Variants in MCUB observed in about 807,000 individuals in gnomAD.
MCUB encodes the protein mitochondrial calcium uniporter dominant negative subunit beta.
MCUB carries 46 observed loss-of-function variants against 41.4 expected under a neutral mutation model. The observed-to-expected ratio is 1.11, with a 90% confidence interval of 0.88 to 1.42. The LOEUF (loss-of-function observed/expected upper bound fraction) is 1.42. Among genes scored for constraint, MCUB ranks in the 40% most tolerant of loss-of-function variants. The probability of loss-of-function intolerance (pLI) is 0.00; values close to 1 mark genes in which losing one functional copy is unlikely to be tolerated. For missense variants in MCUB, 403 were observed against 404.9 expected, an observed-to-expected ratio of 1.00 and a Z score of 0.04; for synonymous variants, 148 against 148.2, an observed-to-expected ratio of 1.00 and a Z score of 0.01.
At chr4:109,661,650 T>C (rs1021461704) in intron 3 of MCUB, among the ~76,000 whole-genome samples, 3 of 152,050 alleles carry the variant, frequency 2.0e-5, no homozygotes, top group Non-Finnish European at 4.4e-5. Context: ...AAGCAGAGTG[T>C]GGAAGATGTG....
At chr4:109,633,577 ATTT>A (rs2126138622) in intron 1 of MCUB, among the ~76,000 whole-genome samples, 1 of 152,222 alleles carries the variant, frequency 6.6e-6, no homozygotes, top group South Asian at 2.1e-4. Context: ...CCTTTAATTA[ATTT>A]TTAAATGAAA....
chr4:109,585,785 T>C (rs1177733796), intron 1 of MCUB, among the ~76,000 whole-genome samples: 3 of 152,226 alleles, frequency 2.0e-5, no homozygotes, highest in East Asian at 1.9e-4. Context: ...CCCCCACTGT[T>C]TTCTGGCTTG....
chr4:109,629,922 G>A (rs1400226707), intron 1 of MCUB, among the ~76,000 whole-genome samples: 3 of 152,144 alleles, frequency 2.0e-5, no homozygotes, highest in Admixed American at 1.3e-4. Flanking sequence ...CCTGGAGATT[G>A]GGCAGTGGGG....
intron 1 of MCUB, among the ~76,000 whole-genome samples, chr4:109,569,156 C>G (rs1726850381): frequency 6.6e-6 from 1 of 152,130 alleles, no homozygotes; most frequent in East Asian, 1.9e-4. Flanking sequence ...ACGCCATTCT[C>G]CTGCCTCAGC....
rs536844807 is a variant in MCUB at position 109,600,800 on chromosome 4, A to T, written c.99+40364A>T. 3.8e-3 allele frequency among the ~76,000 whole-genome samples: 575 copies of T among 151,938 alleles called. 6 individuals are homozygous for T. The highest frequency in any genetic ancestry group is 8.5e-3 in the African/African-American group (352 of 41,448). ...ACACGTATTTTTATTATATATATATATTTTTTTCCTTCTGAGACTAAGTCT... is the reference window on the plus strand; with the variant it reads ...ACACGTATTTTTATTATATATATATTTTTTTTTCCTTCTGAGACTAAGTCT... On this transcript the variant is annotated intron_variant, in intron 1 of 7. Transcript: ENST00000394650.
In MCUB at chr4:109,684,482, A is replaced by C. The variant is rs1280659244; in HGVS notation, c.652A>C (p.Ser218Arg). The C allele has an allele frequency of 6.2e-7, 1 of 1,613,170 alleles. No individual in the cohort carries two copies. The highest frequency in any genetic ancestry group is 8.5e-7 in the Non-Finnish European group (1 of 1,179,822). The part of the protein sequence containing the change: ...GIEAHSEAKT[S>R]GLLWAGLALL... Reference sequence around the variant, plus strand: ...AGAAGCTCATTCGGAAGCCAAAACCAGTGGACTCCTGTGGGCTGGATTGGC... The same window carrying C: ...AGAAGCTCATTCGGAAGCCAAAACCCGTGGACTCCTGTGGGCTGGATTGGC... Residue 218 changes from serine to arginine, a missense_variant, in exon 6 of 8, where the codon AGT becomes CGT. Transcript: ENST00000394650.
At chr4:109,577,279 AT>A (rs1020480238) in intron 1 of MCUB, among the ~76,000 whole-genome samples, 1 of 152,144 alleles carries the variant, frequency 6.6e-6, no homozygotes, top group African/African-American at 2.4e-5. Flanking sequence ...GACAGAGCTA[AT>A]TTTTTCCAAG....
chr4:109,660,388 A>C, intron 3 of MCUB, 23 bp downstream of exon 3: 1 of 1,441,360 alleles, frequency 6.9e-7, no homozygotes, highest in Non-Finnish European at 9.5e-7. Flanking sequence ...ATAATTTTAC[A>C]ACTTTGTCCC....
intron 4 of MCUB, among the ~76,000 whole-genome samples, chr4:109,669,098 T>A (rs567406012): frequency 1.3e-5 from 2 of 152,256 alleles, no homozygotes; most frequent in East Asian, 3.9e-4. Flanking sequence ...GTTTTTATTT[T>A]ACCTCCACTA....
intron 1 of MCUB, among the ~76,000 whole-genome samples, chr4:109,572,770 A>G (rs1203655774): frequency 6.6e-6 from 1 of 152,146 alleles, no homozygotes; most frequent in Non-Finnish European, 1.5e-5. Context: ...ACTTTGAGAT[A>G]TTAGATATAT....
chr4:109,647,236 G>A (rs1728859145), intron 1 of MCUB, among the ~76,000 whole-genome samples: 2 of 152,164 alleles, frequency 1.3e-5, no homozygotes, highest in Admixed American at 6.6e-5. Flanking sequence ...CACTCTTGGT[G>A]TTGTATATTC....
rs3214165 is a variant in MCUB, at chr4:109,685,238, CT to C, written c.817-4del. ...AAACATGTTGTTTTCTTCTCTCTCT[CT>C]TTTTTTTTAAGGATTATACTTACTC... On this transcript the variant is annotated splice_polypyrimidine_tract_variant and intron_variant, in intron 6 of 7. Transcript: ENST00000394650. 116 of 896,170 alleles carry C rather than the reference CT, an allele frequency of 1.3e-4. No individual in the cohort carries two copies. Among genetic ancestry groups the C allele is most frequent in the Middle Eastern group, 2.8e-4 (1 of 3,614 alleles). 55.5% of individuals were successfully genotyped at this position (896,170 alleles called of 1,614,324 possible).
chr4:109,660,300 G>A lies in MCUB; in HGVS notation c.281G>A (p.Gly94Asp). The change falls in exon 3 of 8, where the codon GGT becomes GAT. Residue 94 changes from glycine to aspartate, a missense_variant. Physicochemically the swap from Gly to Asp is moderately conservative, Grantham distance 94 (BLOSUM62 -1). Transcript: ENST00000394650. ...GTCAAACCAATGTTGTCAACAGTTGGTTCATTCCTTCAGGACCTACAAAAT... is the reference window on the plus strand; with the variant it reads ...GTCAAACCAATGTTGTCAACAGTTGATTCATTCCTTCAGGACCTACAAAAT... ...FVVKPMLSTV[G>D]SFLQDLQNED... is the part of the protein sequence containing the mutation. 1.2e-6 allele frequency: 2 copies of A among 1,608,290 alleles called. No individual in the cohort carries two copies. The highest frequency in any genetic ancestry group is 1.7e-6 in the Non-Finnish European group (2 of 1,174,952).
chr4:109,672,571 A>G (rs1376764579), intron 4 of MCUB, among the ~76,000 whole-genome samples: 1 of 152,236 alleles, frequency 6.6e-6, no homozygotes, highest in Non-Finnish European at 1.5e-5. Flanking sequence ...GTGATAAAAG[A>G]AATAGATCAA....
At chr4:109,588,680 C>A (rs188469836) in intron 1 of MCUB, among the ~76,000 whole-genome samples, 7 of 152,236 alleles carry the variant, frequency 4.6e-5, no homozygotes, top group Non-Finnish European at 7.3e-5. Context: ...AATTTCTCTC[C>A]TGAAAAACTG....
At chr4:109,676,857 G>A (rs1192722567) in intron 4 of MCUB, among the ~76,000 whole-genome samples, 1 of 152,206 alleles carries the variant, frequency 6.6e-6, no homozygotes, top group African/African-American at 2.4e-5. Context: ...TAAAATGAGA[G>A]GAGAATAGAT....
intron 1 of MCUB, among the ~76,000 whole-genome samples, chr4:109,572,009 C>T (rs902109128): frequency 3.3e-5 from 5 of 152,306 alleles, no homozygotes; most frequent in South Asian, 2.1e-4. Flanking sequence ...TGTCCAGAAA[C>T]GGGGTAGTTT....
In MCUB at chr4:109,642,807, T is replaced by G. The variant is rs572927833; in HGVS notation, c.100-16204T>G. Among the ~76,000 whole-genome samples, 138 of 152,182 alleles carry G rather than the reference T, an allele frequency of 9.1e-4. 1 individual carries two copies. In the Middle Eastern group the frequency reaches 0.01, roughly 11 times the overall value. On this transcript the variant is annotated intron_variant, in intron 1 of 7. Coordinates refer to ENST00000394650, the MANE Select transcript of MCUB (RefSeq NM_017918.5). The stretch of plus-strand genomic sequence containing the variant: ...TGAAGACTGAAATTTTTTTTTTAAC[T>G]GTTCTTTTTGTCATACTCCCTGACA...
intron 1 of MCUB, among the ~76,000 whole-genome samples, chr4:109,640,706 G>C (rs1185943670): frequency 6.6e-6 from 1 of 152,144 alleles, no homozygotes; most frequent in Non-Finnish European, 1.5e-5. Flanking sequence ...TTGGATTAAG[G>C]GAATGTTGTG....
Sources: allele counts gnomAD v4.1 joint callset (sites outside exome capture counted in the v4.1 genomes callset), GRCh38; gene constraint gnomAD v4.1.1; transcripts MANE v1.5; gene names NCBI Gene and HGNC (gene_info 2026-07-23, HGNC 2026-07-21).